The following JCAD variants were observed in gnomAD, a reference collection of about 807,000 sequenced individuals.
The protein encoded by JCAD is junctional cadherin 5 associated.
In JCAD, 40 loss-of-function variants were observed where a neutral mutation model predicts 98.0. The observed-to-expected ratio is 0.41, with a 90% CI of 0.32 to 0.53. JCAD has a LOEUF of 0.53. JCAD is among the 20% of genes least tolerant of loss of function. The pLI, the probability that JCAD is intolerant of heterozygous loss-of-function variation, is 0.31. For missense variants in JCAD, 1,705 were observed against 1,738.1 expected (o/e 0.98, Z 0.34); for synonymous variants, 691 against 682.3 (o/e 1.01, Z -0.20).
chr10:30,070,689 C>T (rs1314532322), intron 1 of JCAD, among the ~76,000 whole-genome samples: 1 of 152,192 alleles, frequency 6.6e-6, no homozygotes, highest in Non-Finnish European at 1.5e-5. Context: ...CCTCCAGCTA[C>T]AGCATATGCC....
intron 2 of JCAD, among the ~76,000 whole-genome samples, chr10:30,032,460 T>G (rs1021402848): frequency 6.6e-6 from 1 of 152,166 alleles, no homozygotes; most frequent in African/African-American, 2.4e-5. Flanking sequence ...GATCAGAGAC[T>G]AGGGCCATGT....
At chr10:30,019,676 G>C (rs1215409765) in intron 3 of JCAD, among the ~76,000 whole-genome samples, 2 of 152,064 alleles carry the variant, frequency 1.3e-5, no homozygotes, top group African/African-American at 4.8e-5. Context: ...AGATGAGTAA[G>C]TACTGGAGAC....
chr10:30,014,540 C>A lies in JCAD; in HGVS notation c.*3343G>T, dbSNP rs1254663468. The A allele has an allele frequency of 6.6e-6, 1 of 152,168 alleles. No individual in the cohort carries two copies. The highest frequency in any genetic ancestry group is 1.5e-5 in the Non-Finnish European group (1 of 68,038). 9.4% of individuals were successfully genotyped at this position (152,168 alleles called of 1,614,324 possible). A position where few individuals can be genotyped will look rare whatever the true frequency, so the allele number is the denominator to read the frequency against. The stretch of plus-strand genomic sequence containing the variant: ...ACAATAATAAAAAACTCAGCCAGAA[C>A]ACGCAAACGTGATCTCTGGGGGTCA... On this transcript the variant is annotated 3_prime_UTR_variant, in exon 4 of 4. Transcript: ENST00000375377.
chr10:30,109,474 G>T (rs1264077546), intron 1 of JCAD, among the ~76,000 whole-genome samples: 1 of 152,070 alleles, frequency 6.6e-6, no homozygotes, highest in Non-Finnish European at 1.5e-5. Context: ...TTCAGCTCAA[G>T]CCCCTGTTGT....
rs944308973 is a variant in JCAD, at chr10:30,013,767, G to A, written c.*4116C>T. 1 of 152,250 alleles carries A rather than the reference G, an allele frequency of 6.6e-6. No homozygotes were observed. Among genetic ancestry groups the A allele is most frequent in the African/African-American group, 2.4e-5 (1 of 41,454 alleles). 9.4% of individuals were successfully genotyped at this position (152,250 alleles called of 1,614,324 possible). A position where few individuals can be genotyped will look rare whatever the true frequency, so the allele number is the denominator to read the frequency against. On this transcript the variant is annotated 3_prime_UTR_variant, in exon 4 of 4. Transcript: ENST00000375377. ...AATCTGGGCTTGCCTTTGGGTTTAA[G>A]TTTCAGTCACTAAACAGAGACCACA...
At chr10:30,097,643 T>C (rs1838395076) in intron 1 of JCAD, among the ~76,000 whole-genome samples, 1 of 152,056 alleles carries the variant, frequency 6.6e-6, no homozygotes, top group Admixed American at 6.6e-5. Flanking sequence ...TAGTCCCAGC[T>C]ACTCGAGAGA....
At chr10:30,105,939 G>T (rs1343636878) in intron 1 of JCAD, among the ~76,000 whole-genome samples, 1 of 152,138 alleles carries the variant, frequency 6.6e-6, no homozygotes, top group African/African-American at 2.4e-5. Flanking sequence ...TTAAGACCCA[G>T]CATTAATGTA....
chr10:30,026,476 T>C lies in JCAD; in HGVS notation c.3672A>G (p.Pro1224=). 2 of 1,614,246 alleles carry C rather than the reference T, an allele frequency of 1.2e-6. No individual in the cohort carries two copies. Among genetic ancestry groups the C allele is most frequent in the Middle Eastern group, 1.6e-4 (1 of 6,062 alleles). The change falls in exon 3 of 4, where the codon CCA becomes CCG. Residue 1224 remains proline, a synonymous_variant. Coordinates refer to ENST00000375377, the MANE Select transcript of JCAD (RefSeq NM_020848.4). ...STLFHFVERT[P]SVAGSEKRLR... Reference sequence around the variant, plus strand: ...GTCTCTTTTCAGAGCCTGCCACACTTGGGGTTCTTTCTACAAAATGGAATA... The same window carrying C: ...GTCTCTTTTCAGAGCCTGCCACACTCGGGGTTCTTTCTACAAAATGGAATA...
intron 1 of JCAD, among the ~76,000 whole-genome samples, chr10:30,078,710 C>A (rs952526072): frequency 6.6e-6 from 1 of 152,198 alleles, no homozygotes; most frequent in Non-Finnish European, 1.5e-5. Context: ...CAAAAAGTCA[C>A]AGGACAATCG....
intron 1 of JCAD, among the ~76,000 whole-genome samples, chr10:30,109,683 C>T (rs998678013): frequency 1.3e-5 from 2 of 152,170 alleles, no homozygotes; most frequent in Non-Finnish European, 2.9e-5. Flanking sequence ...TGGAAGGATA[C>T]TATGATTTGC....
At chr10:30,033,947 G>A (rs1445677940) in intron 2 of JCAD, among the ~76,000 whole-genome samples, 1 of 152,156 alleles carries the variant, frequency 6.6e-6, no homozygotes, top group African/African-American at 2.4e-5. Flanking sequence ...TCCAAGGCCG[G>A]GTGCAGTGGC....
intron 1 of JCAD, among the ~76,000 whole-genome samples, chr10:30,050,563 C>T (rs1837448339): frequency 6.6e-6 from 1 of 152,126 alleles, no homozygotes; most frequent in Non-Finnish European, 1.5e-5. Flanking sequence ...CACTAAGGAA[C>T]AGGCATGTGC....
chr10:30,081,368 G>T (rs1017442772), intron 1 of JCAD, among the ~76,000 whole-genome samples: 1 of 152,234 alleles, frequency 6.6e-6, no homozygotes, highest in Non-Finnish European at 1.5e-5. Flanking sequence ...TGACAGAATT[G>T]GAGGAAGGGT....
chr10:30,028,347 T>G lies in JCAD; in HGVS notation c.1801A>C (p.Asn601His), dbSNP rs199849395. The change falls in exon 3 of 4, where the codon AAT (asparagine) becomes CAT (histidine). Residue 601 changes from asparagine (N) to histidine (H), a missense_variant. Around this residue, in one of 3 missense-constraint regions of JCAD, gnomAD observed 1,278 missense variants for 1,243.1 expected, o/e 1.03. Coordinates refer to ENST00000375377, the MANE Select transcript of JCAD (RefSeq NM_020848.4). ...TGATCAGCACTGGGCTTTAAGTCAT[T>G]GTTGTCCATATCTCTATCTGGCAGA... is the stretch of plus-strand genomic sequence containing the variant. ...SHLPDRDMDN[N>H]DLKPSADQKN... 1.8e-4 allele frequency: 297 copies of G among 1,614,122 alleles called. 1 individual carries two copies. Among genetic ancestry groups the G allele is most frequent in the Non-Finnish European group, 2.6e-5 (31 of 1,180,054 alleles).
chr10:30,057,127 G>A (rs978438721), intron 1 of JCAD, among the ~76,000 whole-genome samples: 12 of 152,132 alleles, frequency 7.9e-5, no homozygotes, highest in Admixed American at 4.6e-4. Context: ...AAACACAATA[G>A]AACAATTGTT....
chr10:30,108,972 C>T (rs548647302), intron 1 of JCAD, among the ~76,000 whole-genome samples: 2 of 152,156 alleles, frequency 1.3e-5, no homozygotes, highest in African/African-American at 4.8e-5. Context: ...GGAGGTGGAG[C>T]TTGGAGTCCT....
chr10:30,042,222 A>G (rs956462878), intron 2 of JCAD, among the ~76,000 whole-genome samples: 3 of 152,190 alleles, frequency 2.0e-5, no homozygotes, highest in African/African-American at 7.2e-5. Context: ...TGAAGAGAAC[A>G]TGTTTTGGGG....
intron 1 of JCAD, among the ~76,000 whole-genome samples, chr10:30,078,296 A>T (rs2478829): frequency 0.43 from 65,151 of 152,130 alleles, 16,476 homozygotes; most frequent in Non-Finnish European, 0.57. Context: ...TCACCTTGTC[A>T]CTGTCATACC....
At chr10:30,073,776 CA>C (rs924251026) in intron 1 of JCAD, among the ~76,000 whole-genome samples, 1 of 150,814 alleles carries the variant, frequency 6.6e-6, no homozygotes, top group Non-Finnish European at 1.5e-5. Context: ...AATAGTACTG[CA>C]AATCGTATGT....
Sources: gnomAD v4.1 joint callset for allele counts (sites outside exome capture counted in the v4.1 genomes callset) on GRCh38, gnomAD v4.1.1 for gene constraint, gnomAD v4.1.1 regional missense constraint, MANE v1.5 for transcripts, NCBI Gene and HGNC (gene_info 2026-07-23, HGNC 2026-07-21) for gene names.